MBOAT7: variants seen among roughly 807,000 people sequenced by gnomAD.
The protein encoded by MBOAT7 is membrane-bound acylglycerophosphatidylinositol O-acyltransferase MBOAT7.
Under a neutral mutation model 47.4 loss-of-function variants are expected in MBOAT7, and 40 were observed. The ratio of observed to expected loss-of-function variants is 0.84; its 90% CI spans 0.66 to 1.10. MBOAT7 has a LOEUF of 1.10. Among genes scored for constraint, MBOAT7 ranks in the 50% least tolerant of loss-of-function variants. The pLI is 0.00. For missense variants in MBOAT7, 680 were observed against 655.6 expected (o/e 1.04, Z -0.41); for synonymous variants, 361 against 292.0 (o/e 1.24, Z -2.41).
At chr19:54,185,338 G>A (rs2076400854) in intron 4 of MBOAT7, among the ~76,000 whole-genome samples, 1 of 152,060 alleles carries the variant, frequency 6.6e-6, no homozygotes. Flanking sequence ...GATTATACAA[G>A]TATGAGCCAC....
chr19:54,188,389 G>T, intron 2 of MBOAT7, 43 bp from the exon 3 acceptor site: 1 of 1,596,694 alleles, frequency 6.3e-7, no homozygotes, highest in Non-Finnish European at 8.5e-7. Context: ...CCTTCCAGAG[G>T]GTCCCCCCCC....
Position 54,181,136 on chromosome 19 carries a change from G to A in MBOAT7, c.494-3C>T, listed in dbSNP as rs746001095. On this transcript the variant is annotated splice_region_variant and splice_polypyrimidine_tract_variant and intron_variant, in intron 5 of 7. Transcript: ENST00000245615. ...GGTGCGGTAGCGGAAGAACGGGCCTGTGGGGCGGGGAGGGAGGGCCGCGGT... is the reference window on the plus strand; with the variant it reads ...GGTGCGGTAGCGGAAGAACGGGCCTATGGGGCGGGGAGGGAGGGCCGCGGT... 14 of 1,465,466 alleles carry A rather than the reference G, an allele frequency of 9.6e-6. No individual in the cohort carries two copies. Among genetic ancestry groups the A allele is most frequent in the African/African-American group, 2.8e-5 (2 of 70,362 alleles). 90.8% of individuals were successfully genotyped at this position (1,465,466 alleles called of 1,614,324 possible).
At chr19:54,189,249 C>T (rs2076558277) in intron 1 of MBOAT7, 89 bp downstream of exon 1, 1 of 153,390 alleles carries the variant, frequency 6.5e-6, no homozygotes, top group South Asian at 2.0e-4. Flanking sequence ...TCCAACGCGC[C>T]TCCGGGGCCG....
intron 1 of MBOAT7, among the ~76,000 whole-genome samples, chr19:54,188,959 GAGGATCC>G (rs1449028842): frequency 4.1e-5 from 6 of 146,876 alleles, no homozygotes; most frequent in African/African-American, 1.5e-4. Context: ...CTCTTCCAGC[GAGGATCC>G]AGGAACCCAG....
intron 1 of MBOAT7, among the ~76,000 whole-genome samples, chr19:54,188,733 C>A (rs1255418454): frequency 5.9e-5 from 9 of 152,112 alleles, no homozygotes; most frequent in Admixed American, 5.9e-4. Context: ...TTTGAGCGCA[C>A]AGGCCTCCAG....
rs577472031 is a variant in MBOAT7, at chr19:54,175,188, C to T, written c.1032-757G>A. 1.1e-3 allele frequency among the ~76,000 whole-genome samples: 168 copies of T among 152,186 alleles called. 2 individuals are homozygous for T. Among genetic ancestry groups the T allele is most frequent in the Admixed American group, 4.6e-3 (71 of 15,280 alleles). ...AGAGACGGGGTTTCACCGTGTTAGC[C>T]AGGATGGTCTCGATCTCCTGACCTC... is the stretch of plus-strand genomic sequence containing the variant. On this transcript the variant is annotated intron_variant, in intron 7 of 7. Coordinates refer to ENST00000245615, the MANE Select transcript of MBOAT7 (RefSeq NM_024298.5).
At chr19:54,181,989 A>G (rs867457887) in intron 5 of MBOAT7, among the ~76,000 whole-genome samples, 8 of 41,446 alleles carry the variant, frequency 1.9e-4, no homozygotes, top group South Asian at 1.2e-3. Context: ...GAGGGAAGGA[A>G]GGAGGGAGGG....
intron 7 of MBOAT7, among the ~76,000 whole-genome samples, chr19:54,177,067 C>T (rs370147142): frequency 4.0e-5 from 6 of 151,354 alleles, no homozygotes; most frequent in African/African-American, 1.2e-4. Flanking sequence ...ACTCTTGGCA[C>T]GAGAATCACT....
At chr19:54,178,649 CA>C (rs2076176494) in intron 7 of MBOAT7, 115 bp downstream of exon 7, 2 of 1,470,432 alleles carry the variant, frequency 1.4e-6, no homozygotes, top group Middle Eastern at 2.4e-4. Context: ...AAACAAACTA[CA>C]ATTCCCATGA....
chr19:54,187,875 C>A (rs186467879), intron 3 of MBOAT7, among the ~76,000 whole-genome samples: 2 of 152,046 alleles, frequency 1.3e-5, no homozygotes, highest in East Asian at 3.9e-4. Context: ...ATTAGCCAGG[C>A]ATGGTGGAGC....
Position 54,174,116 on chromosome 19 carries a change from C to G in MBOAT7, c.1347G>C (p.Gly449=). The G allele has an allele frequency of 6.2e-7, 1 of 1,606,178 alleles. No individual in the cohort carries two copies. The highest frequency in any genetic ancestry group is 8.5e-7 in the Non-Finnish European group (1 of 1,176,728). Residue 449 remains glycine, a synonymous_variant, in exon 8 of 8, where the codon GGG becomes GGC. Coordinates refer to ENST00000245615, the MANE Select transcript of MBOAT7 (RefSeq NM_024298.5). Reference sequence around the variant, plus strand: ...CTGCCTTCCGCCGGCTGGGGCTGCCCCCACCTAAAGCCAGCCCCAGCCCCA... The same window carrying G: ...CTGCCTTCCGCCGGCTGGGGCTGCCGCCACCTAAAGCCAGCCCCAGCCCCA... ...AALGLGLALG[G]GSPSRRKAAS...
chr19:54,182,200 C>T (rs2076306511), intron 5 of MBOAT7, among the ~76,000 whole-genome samples: 2 of 150,032 alleles, frequency 1.3e-5, no homozygotes, highest in Non-Finnish European at 3.0e-5. Flanking sequence ...TATATGTTCA[C>T]AAAGGCCGTA....
intron 5 of MBOAT7, 83 bp downstream of exon 5, chr19:54,183,438 G>C (rs2076340876): frequency 4.0e-6 from 6 of 1,514,972 alleles, no homozygotes; most frequent in African/African-American, 1.4e-5. Context: ...GCCCTGGGCA[G>C]GGCGGGAACA....
chr19:54,178,432 T>C, intron 7 of MBOAT7: 8 of 1,277,752 alleles, frequency 6.3e-6, no homozygotes, highest in Non-Finnish European at 7.9e-6. Context: ...TTGAGGCAAC[T>C]AAGAGGTCAA....
chr19:54,175,277 C>T (rs962110559), intron 7 of MBOAT7, among the ~76,000 whole-genome samples: 20 of 152,214 alleles, frequency 1.3e-4, no homozygotes, highest in African/African-American at 4.8e-4. Context: ...CACACCCGGG[C>T]AGCCCGGTGG....
At chr19:54,188,380 C>T (rs1427118171) in intron 2 of MBOAT7, 34 bp from the exon 3 acceptor site, 4 of 1,603,818 alleles carry the variant, frequency 2.5e-6, no homozygotes, top group South Asian at 1.1e-5. Flanking sequence ...AGCCTGGAAC[C>T]TTCCAGAGGG....
At position 54,180,803 on chromosome 19, in the gene MBOAT7, C is replaced by A. The variant is rs1324479204; in HGVS notation, c.824G>T (p.Gly275Val). The A allele has an allele frequency of 6.4e-7, 1 of 1,556,640 alleles. No individual in the cohort carries two copies. The highest frequency in any genetic ancestry group is 1.4e-5 in the African/African-American group (1 of 74,000). ...PVAAKARAGGGPTLQCPPPSS... is the reference protein window; with the variant it reads ...PVAAKARAGGVPTLQCPPPSS... ...GGGGGGTGGGCATTGGAGGGTGGGG[C>A]CGCCTCCGGCCCGGGCTTTGGCGGC... Residue 275 changes from glycine to valine, a missense_variant, in exon 6 of 8, where the codon GGC becomes GTC. Transcript: ENST00000245615. This position sits in a 1 kb window ranked among gnomAD's most constrained non-coding sequence, Gnocchi z 5.2.
At chr19:54,189,170 G>A in intron 1 of MBOAT7, 168 bp downstream of exon 1, 1 of 153,388 alleles carries the variant, frequency 6.5e-6, no homozygotes, top group Non-Finnish European at 1.5e-5. Flanking sequence ...CCCAGGCCCA[G>A]CCCCAACCCG....
chr19:54,181,615 CAGGGAGGGAGGGAGGG>C lies in MBOAT7; in HGVS notation c.494-498_494-483del, dbSNP rs1055251541. On this transcript the variant is annotated intron_variant, in intron 5 of 7. Coordinates refer to ENST00000245615, the MANE Select transcript of MBOAT7 (RefSeq NM_024298.5). ...AGTGACTGAGCTACTGCATTCCAGC[CAGGGAGGGAGGGAGGG>C]AGGGAGGGAAGGAGTGAAGAAGGGA... Among the ~76,000 whole-genome samples, 3 of 79,876 alleles carry C rather than the reference CAGGGAGGGAGGGAGGG, an allele frequency of 3.8e-5. No individual in the cohort carries two copies. In the South Asian group the frequency reaches 1.6e-3, roughly 43 times the overall value. 52.4% of individuals were successfully genotyped at this position (79,876 alleles called of 152,430 possible).
Sources: allele counts gnomAD v4.1 joint callset (sites outside exome capture counted in the v4.1 genomes callset), GRCh38; gene constraint gnomAD v4.1.1; non-coding constraint Gnocchi (gnomAD v3.1); transcripts MANE v1.5; gene names NCBI Gene and HGNC (gene_info 2026-07-23, HGNC 2026-07-21).